The following FNIP2 variants were observed in gnomAD, a reference collection of about 807,000 sequenced individuals.
The protein encoded by FNIP2 is folliculin-interacting protein 2.
In FNIP2, 32 loss-of-function variants were observed where a neutral mutation model predicts 108.7. The observed-to-expected ratio is 0.29, with a 90% CI of 0.22 to 0.40. FNIP2 has a LOEUF of 0.40. Among genes scored for constraint, FNIP2 ranks in the 10% least tolerant of loss-of-function variants. The pLI is 1.00. For synonymous variants in FNIP2, 480 were observed against 496.7 expected (o/e 0.97, Z 0.45); for missense variants, 1,202 against 1,381.6 (o/e 0.87, Z 2.06).
At chr4:158,889,757 TGAA>T in intron 14 of FNIP2, 1 of 924,906 alleles carries the variant, frequency 1.1e-6, no homozygotes. Flanking sequence ...TGCAAAGCAG[TGAA>T]GGAGTTTGAG....
intron 3 of FNIP2, among the ~76,000 whole-genome samples, chr4:158,829,974 T>C (rs770737759): frequency 3.3e-5 from 5 of 152,150 alleles, no homozygotes; most frequent in Admixed American, 6.6e-5. Flanking sequence ...GTGCCATGCA[T>C]TTGCCCTTTT....
chr4:158,887,337 A>G (rs1434975071), intron 14 of FNIP2, among the ~76,000 whole-genome samples: 2 of 152,246 alleles, frequency 1.3e-5, no homozygotes, highest in East Asian at 1.9e-4. Context: ...AGATTTCACT[A>G]TTTACTAACT....
At chr4:158,795,179 C>T (rs976668417) in intron 1 of FNIP2, among the ~76,000 whole-genome samples, 1 of 152,220 alleles carries the variant, frequency 6.6e-6, no homozygotes, top group Admixed American at 6.5e-5. Context: ...GAATCTATGT[C>T]ACATTGAGCC....
At chr4:158,790,273 A>G (rs1348115606) in intron 1 of FNIP2, among the ~76,000 whole-genome samples, 2 of 151,272 alleles carry the variant, frequency 1.3e-5, no homozygotes, top group African/African-American at 4.8e-5. Context: ...AGATTTTGGA[A>G]TATTTGTAAA....
intron 1 of FNIP2, among the ~76,000 whole-genome samples, chr4:158,790,440 G>A (rs1776373990): frequency 6.6e-6 from 1 of 151,856 alleles, no homozygotes; most frequent in South Asian, 2.1e-4. Context: ...CAAAAAATAG[G>A]CACAAGGAGA....
At chr4:158,889,374 T>A (rs1473804210) in intron 14 of FNIP2, among the ~76,000 whole-genome samples, 6 of 152,228 alleles carry the variant, frequency 3.9e-5, no homozygotes, top group Non-Finnish European at 8.8e-5. Context: ...ATCCATCACC[T>A]TCCTAGTATG....
At chr4:158,822,023 G>A (rs965478199) in intron 1 of FNIP2, among the ~76,000 whole-genome samples, 2 of 152,064 alleles carry the variant, frequency 1.3e-5, no homozygotes, top group Admixed American at 6.5e-5. Flanking sequence ...AGGAGGTTGA[G>A]GCTATGGTGA....
chr4:158,819,852 G>A (rs1578862079), intron 1 of FNIP2, among the ~76,000 whole-genome samples: 1 of 152,210 alleles, frequency 6.6e-6, no homozygotes, highest in Admixed American at 6.5e-5. Flanking sequence ...CCTTTTGAGA[G>A]ATTTCTGTTT....
rs1021273697 is a variant in FNIP2 at position 158,802,661 on chromosome 4, T to G, written c.108-23255T>G. On this transcript the variant is annotated intron_variant, in intron 1 of 16. Coordinates refer to ENST00000264433, the MANE Select transcript of FNIP2 (RefSeq NM_020840.3). ...TTCATGACTTTAATTCTCCCAACTCTAAATTAGGCATGGGAATGGGCTTTT... is the reference window on the plus strand; with the variant it reads ...TTCATGACTTTAATTCTCCCAACTCGAAATTAGGCATGGGAATGGGCTTTT... 3.9e-5 allele frequency among the ~76,000 whole-genome samples: 6 copies of G among 152,322 alleles called. No individual in the cohort carries two copies. In the East Asian group the frequency reaches 7.7e-4, roughly 20 times the overall value.
intron 1 of FNIP2, among the ~76,000 whole-genome samples, chr4:158,800,319 T>G (rs1776719602): frequency 6.6e-6 from 1 of 152,244 alleles, no homozygotes; most frequent in Non-Finnish European, 1.5e-5. Flanking sequence ...ATTGTGGAGC[T>G]TTGTTTAGAT....
At chr4:158,801,237 G>T (rs957725463) in intron 1 of FNIP2, among the ~76,000 whole-genome samples, 1 of 152,126 alleles carries the variant, frequency 6.6e-6, no homozygotes, top group Non-Finnish European at 1.5e-5. Context: ...CACAGGAATT[G>T]TTTATAGGGG....
intron 1 of FNIP2, among the ~76,000 whole-genome samples, chr4:158,788,823 T>C (rs1007693037): frequency 2.0e-5 from 3 of 152,258 alleles, no homozygotes; most frequent in African/African-American, 7.2e-5. Context: ...CAGGATTTCC[T>C]GGCACTTTGT....
At chr4:158,808,489 C>G (rs61303829) in intron 1 of FNIP2, 36 of 152,150 alleles carry the variant, frequency 2.4e-4, no homozygotes, top group African/African-American at 8.2e-4. Context: ...GAATTCATCT[C>G]TAGTCAGACA....
intron 7 of FNIP2, among the ~76,000 whole-genome samples, chr4:158,836,950 GT>G (rs1283860163): frequency 6.6e-6 from 1 of 151,738 alleles, no homozygotes; most frequent in East Asian, 1.9e-4. Context: ...TTTTGTTTCT[GT>G]TTAATGGTGC....
At chr4:158,812,316 T>C (rs537696228) in intron 1 of FNIP2, among the ~76,000 whole-genome samples, 13 of 152,136 alleles carry the variant, frequency 8.5e-5, no homozygotes, top group African/African-American at 2.2e-4. Context: ...TGTAGAGCAG[T>C]GTGTGAGGAC....
Position 158,895,300 on chromosome 4 carries a change from A to G in FNIP2, c.3151-450A>G, listed in dbSNP as rs532903905. 2.0e-5 allele frequency among the ~76,000 whole-genome samples: 3 copies of G among 152,344 alleles called. No homozygotes were observed. The East Asian group carries it at 5.8e-4, about 29-fold the overall frequency. On this transcript the variant is annotated intron_variant, in intron 15 of 16. Coordinates refer to ENST00000264433, the MANE Select transcript of FNIP2 (RefSeq NM_020840.3). ...AGAATAATCTGAGCTATTGGGGGAA[A>G]AAAACAAAAACCATACTGTTTACTA... is the stretch of plus-strand genomic sequence containing the variant.
rs568232220 is a variant in FNIP2 at position 158,827,148 on chromosome 4, G to A, written c.234+1106G>A. Among the ~76,000 whole-genome samples the A allele has an allele frequency of 3.3e-5, 5 of 152,308 alleles. 1 individual carries two copies. The East Asian group carries it at 5.8e-4, about 18-fold the overall frequency. On this transcript the variant is annotated intron_variant, in intron 2 of 16. Coordinates refer to ENST00000264433, the MANE Select transcript of FNIP2 (RefSeq NM_020840.3). ...TTAGGTAGGTGAAGGGAGGGAGGGG[G>A]AAACCAAGAAATCTCTCAGGTGATT... is the stretch of plus-strand genomic sequence containing the variant.
At chr4:158,785,550 A>G (rs1776198108) in intron 1 of FNIP2, among the ~76,000 whole-genome samples, 1 of 152,048 alleles carries the variant, frequency 6.6e-6, no homozygotes, top group Non-Finnish European at 1.5e-5. Flanking sequence ...GCTGGTCTTG[A>G]ACTCCTGTGC....
intron 7 of FNIP2, among the ~76,000 whole-genome samples, chr4:158,848,769 G>T (rs747285377): frequency 7.2e-5 from 11 of 152,146 alleles, no homozygotes; most frequent in Non-Finnish European, 1.0e-4. Context: ...ATTTAATGAA[G>T]AAATGGAAAT....
Sources: gnomAD v4.1 joint callset for allele counts (sites outside exome capture counted in the v4.1 genomes callset) on GRCh38, gnomAD v4.1.1 for gene constraint, MANE v1.5 for transcripts, NCBI Gene and HGNC (gene_info 2026-07-23, HGNC 2026-07-21) for gene names.